Variants in NR1D2 observed in about 807,000 individuals in gnomAD.
The protein encoded by NR1D2 is nuclear receptor subfamily 1 group D member 2, also known as V-erbA-related protein 1-related.
In NR1D2, 25 loss-of-function variants were observed where a neutral mutation model predicts 52.2. The observed-to-expected ratio is 0.48, with a 90% CI of 0.35 to 0.67. The LOEUF (loss-of-function observed/expected upper bound fraction) is 0.67. NR1D2 is among the 30% of genes least tolerant of loss of function. The probability of loss-of-function intolerance (pLI) is 0.01; values close to 1 mark genes in which losing one functional copy is unlikely to be tolerated. For synonymous variants in NR1D2, 259 were observed against 230.1 expected, an observed-to-expected ratio of 1.13 and a Z score of -1.14; for missense variants, 681 against 707.2, an observed-to-expected ratio of 0.96 and a Z score of 0.42.
intron 1 of NR1D2, among the ~76,000 whole-genome samples, chr3:23,945,910 G>A (rs1705673301): frequency 6.7e-6 from 1 of 150,322 alleles, no homozygotes; most frequent in African/African-American, 2.4e-5. Context: ...TTGGCTGGGC[G>A]GGCGCGTGAC....
rs1311736541 is a variant in NR1D2, at chr3:23,979,932, T to G, written c.*2513T>G. ...CATTATGTCAGCAAACTTAAGGGCA[T>G]TATGTCAGCAAGCTAAAACATTTTT... is the stretch of plus-strand genomic sequence containing the variant. On this transcript the variant is annotated 3_prime_UTR_variant, in exon 8 of 8. Transcript: ENST00000312521. 6.6e-6 allele frequency: 1 copy of G among 152,152 alleles called. No individual in the cohort carries two copies. Among genetic ancestry groups the G allele is most frequent in the East Asian group, 1.9e-4 (1 of 5,204 alleles). The allele number at this position is 152,152 out of a possible 1,614,324, so 9.4% of individuals were successfully genotyped here. A position where few individuals can be genotyped will look rare whatever the true frequency, so the allele number is the denominator to read the frequency against.
chr3:23,954,828 A>G (rs758363900), intron 2 of NR1D2, 25 bp downstream of exon 2: 80 of 1,604,692 alleles, frequency 5.0e-5, no homozygotes, highest in Non-Finnish European at 6.4e-5. Context: ...TTTTCTAAAG[A>G]TTGCTGCCAT....
At chr3:23,957,302 G>A in intron 3 of NR1D2, among the ~76,000 whole-genome samples, 1 of 151,126 alleles carries the variant, frequency 6.6e-6, no homozygotes, top group East Asian at 1.9e-4. Flanking sequence ...ACTTTTAATG[G>A]CCGGGTAACT....
At chr3:23,954,891 T>C (rs1706042277) in intron 2 of NR1D2, 88 bp downstream of exon 2, 5 of 1,234,414 alleles carry the variant, frequency 4.1e-6, no homozygotes, top group Non-Finnish European at 5.8e-6. Flanking sequence ...GGCCATTATG[T>C]TTCTGGGTAC....
chr3:23,967,709 C>G, intron 6 of NR1D2, 104 bp from the exon 7 acceptor site: 6 of 846,926 alleles, frequency 7.1e-6, no homozygotes, highest in Non-Finnish European at 3.6e-6. Flanking sequence ...TTATAACTTT[C>G]TTTTATATGT....
intron 5 of NR1D2, chr3:23,963,481 G>T (rs1297539618): frequency 2.3e-6 from 2 of 853,840 alleles, no homozygotes; most frequent in East Asian, 1.2e-4. Flanking sequence ...AGACATTCTT[G>T]CTCTGTTGCC....
rs1575148422 is a variant in NR1D2, at chr3:23,954,817, G to T, written c.283+14G>T. On this transcript the variant is annotated intron_variant, in intron 2 of 7. Coordinates refer to ENST00000312521, the MANE Select transcript of NR1D2 (RefSeq NM_005126.5). Reference sequence around the variant, plus strand: ...GTGGTGTGACAAGTAAGTTACTTTGGTTTTCTAAAGATTGCTGCCATTAAT... The same window carrying T: ...GTGGTGTGACAAGTAAGTTACTTTGTTTTTCTAAAGATTGCTGCCATTAAT... 1.2e-6 allele frequency: 2 copies of T among 1,607,040 alleles called. No individual in the cohort carries two copies. Among genetic ancestry groups the T allele is most frequent in the Non-Finnish European group, 1.7e-6 (2 of 1,174,550 alleles).
intron 7 of NR1D2, among the ~76,000 whole-genome samples, chr3:23,969,643 C>T (rs1011833123): frequency 1.5e-4 from 23 of 152,144 alleles, no homozygotes; most frequent in African/African-American, 4.6e-4. Context: ...ATGAATATGC[C>T]GTACCTATTA....
In NR1D2 at chr3:23,970,145, T is replaced by G. The variant is rs531514402; in HGVS notation, c.1543+2122T>G. 2.0e-5 allele frequency among the ~76,000 whole-genome samples: 3 copies of G among 152,320 alleles called. No homozygotes were observed. The East Asian group carries it at 5.8e-4, about 29-fold the overall frequency. On this transcript the variant is annotated intron_variant, in intron 7 of 7. Transcript: ENST00000312521. ...ATGTTTAACATTAATTCTGCATTTT[T>G]ATTGTGGTGGGCAGATTAGATAGGT...
intron 1 of NR1D2, among the ~76,000 whole-genome samples, chr3:23,950,902 C>CTTTTTTTTTTTTTTTTTTTTT (rs1181448290): frequency 8.1e-6 from 1 of 123,106 alleles, no homozygotes; most frequent in Non-Finnish European, 1.7e-5. Flanking sequence ...CTTTCTTTTT[C>CTTTTTTTTTTTTTTTTTTTTT]TTTTTTTTTT....
chr3:23,969,179 A>G (rs1255804508), intron 7 of NR1D2, among the ~76,000 whole-genome samples: 3 of 152,100 alleles, frequency 2.0e-5, no homozygotes. Flanking sequence ...CCAGCTACTC[A>G]GGAGGCTGAA....
intron 1 of NR1D2, among the ~76,000 whole-genome samples, chr3:23,949,509 C>T (rs1016102407): frequency 2.6e-5 from 4 of 152,220 alleles, no homozygotes; most frequent in Non-Finnish European, 5.9e-5. Context: ...TTTCTGCCCT[C>T]TTTAGTATGA....
chr3:23,954,930 C>T (rs1706042868), intron 2 of NR1D2, 127 bp downstream of exon 2: 1 of 790,224 alleles, frequency 1.3e-6, no homozygotes, highest in Non-Finnish European at 2.0e-6. Context: ...GGTAATCATA[C>T]ATCAGTAGTT....
intron 1 of NR1D2, among the ~76,000 whole-genome samples, chr3:23,952,353 G>A (rs1191729210): frequency 6.6e-6 from 1 of 152,134 alleles, no homozygotes; most frequent in African/African-American, 2.4e-5. Flanking sequence ...GGATGGAATT[G>A]TCTACGTTAG....
At position 23,978,968 on chromosome 3, in the gene NR1D2, A is replaced by T. The variant is rs1378261132; in HGVS notation, c.*1549A>T. 6.6e-6 allele frequency: 1 copy of T among 152,134 alleles called. No individual in the cohort carries two copies. Among genetic ancestry groups the T allele is most frequent in the East Asian group, 1.9e-4 (1 of 5,204 alleles). 9.4% of individuals were successfully genotyped at this position (152,134 alleles called of 1,614,324 possible). On this transcript the variant is annotated 3_prime_UTR_variant, in exon 8 of 8. Coordinates refer to ENST00000312521, the MANE Select transcript of NR1D2 (RefSeq NM_005126.5). ...GTATGTTTTCCTGTTTACCTGGAAA[A>T]TAGCAATTAATTGGATTTTTTGGTA...
rs1197669049 is a variant in NR1D2 at position 23,965,416 on chromosome 3, T to TC, written c.1332+254_1332+255insC. 5.4e-5 allele frequency among the ~76,000 whole-genome samples: 8 copies of TC among 147,850 alleles called. No individual in the cohort carries two copies. The East Asian group carries it at 1.4e-3, about 25-fold the overall frequency. On this transcript the variant is annotated intron_variant, in intron 6 of 7. Coordinates refer to ENST00000312521, the MANE Select transcript of NR1D2 (RefSeq NM_005126.5). ...ACCACGCCCGGCTAATTTTTTTTGT[T>TC]TTTTTTTTTTTGTAGAAACAGGGTT...
At chr3:23,975,713 G>A (rs1040045243) in intron 7 of NR1D2, among the ~76,000 whole-genome samples, 6 of 151,994 alleles carry the variant, frequency 3.9e-5, no homozygotes, top group African/African-American at 7.2e-5. Context: ...AGCCGAGATC[G>A]CACCACTGCA....
intron 7 of NR1D2, among the ~76,000 whole-genome samples, chr3:23,969,570 A>G (rs1706535197): frequency 6.6e-6 from 1 of 152,214 alleles, no homozygotes; most frequent in South Asian, 2.1e-4. Context: ...GTTTGAGTTG[A>G]CATCAGATTA....
rs1184833856 is a variant in NR1D2, at chr3:23,956,098, T to C, written c.345T>C (p.Tyr115=). The stretch of plus-strand genomic sequence containing the variant: ...GGGATGTGGCGTCAGGATTCCACTA[T>C]GGAGTTCATGCTTGCGAAGGCTGTA... ...VCGDVASGFH[Y]GVHACEGCKG... Residue 115 remains tyrosine, a synonymous_variant, in exon 3 of 8, where the codon TAT becomes TAC. Coordinates refer to ENST00000312521, the MANE Select transcript of NR1D2 (RefSeq NM_005126.5). The C allele has an allele frequency of 6.2e-7, 1 of 1,613,980 alleles. No homozygotes were observed. Among genetic ancestry groups the C allele is most frequent in the South Asian group, 1.1e-5 (1 of 91,078 alleles).
Sources: allele counts gnomAD v4.1 joint callset (sites outside exome capture counted in the v4.1 genomes callset), GRCh38; gene constraint gnomAD v4.1.1; transcripts MANE v1.5; gene names NCBI Gene and HGNC (gene_info 2026-07-23, HGNC 2026-07-21).